Variants in NIM1K observed in about 807,000 individuals in gnomAD.
NIM1K encodes the protein serine/threonine-protein kinase NIM1.
In NIM1K, 35 loss-of-function variants were observed where a neutral mutation model predicts 37.1. That is an observed-to-expected ratio of 0.94 (90% confidence interval 0.72 to 1.25). The LOEUF (loss-of-function observed/expected upper bound fraction) is 1.25. NIM1K is among the 50% of genes most tolerant of loss of function. The pLI is 0.00. For missense variants in NIM1K, 564 were observed against 548.0 expected, an observed-to-expected ratio of 1.03 and a Z score of -0.29; for synonymous variants, 234 against 206.6, an observed-to-expected ratio of 1.13 and a Z score of -1.14.
At chr5:43,210,816 C>G (rs1294307653) in intron 1 of NIM1K, among the ~76,000 whole-genome samples, 1 of 152,150 alleles carries the variant, frequency 6.6e-6, no homozygotes, top group African/African-American at 2.4e-5. Flanking sequence ...AGAATTAAGA[C>G]CCAACCCCCC....
chr5:43,275,040 C>A (rs1228322188), intron 2 of NIM1K, among the ~76,000 whole-genome samples: 2 of 152,106 alleles, frequency 1.3e-5, no homozygotes, highest in East Asian at 1.9e-4. Flanking sequence ...TAACATTAAT[C>A]ATTTTCGTTA....
chr5:43,251,609 G>T (rs115969448), intron 2 of NIM1K, among the ~76,000 whole-genome samples: 80 of 152,194 alleles, frequency 5.3e-4, no homozygotes, highest in Admixed American at 2.2e-3. Flanking sequence ...AGTAGGGCCG[G>T]GTCTTAAGAT....
At chr5:43,252,270 T>C (rs1752876669) in intron 2 of NIM1K, among the ~76,000 whole-genome samples, 1 of 152,236 alleles carries the variant, frequency 6.6e-6, no homozygotes, top group Non-Finnish European at 1.5e-5. Context: ...TGTGTGGGTG[T>C]GGGTGGGTGC....
rs534058778 is a variant in NIM1K, at chr5:43,277,523, C to T, written c.561+198C>T. The stretch of plus-strand genomic sequence containing the variant: ...CAACATCCAGGGATGTCCAGTTACA[C>T]GTCAACCTCCTAGCTTCTGCAGACA... On this transcript the variant is annotated intron_variant, in intron 3 of 3. Coordinates refer to ENST00000326035, the MANE Select transcript of NIM1K (RefSeq NM_153361.4). 6.8e-4 allele frequency among the ~76,000 whole-genome samples: 104 copies of T among 152,232 alleles called. 1 individual carries two copies. Among genetic ancestry groups the T allele is most frequent in the African/African-American group, 2.3e-3 (95 of 41,532 alleles).
intron 1 of NIM1K, among the ~76,000 whole-genome samples, chr5:43,198,390 C>A (rs1460053588): frequency 6.7e-6 from 1 of 150,340 alleles, no homozygotes; most frequent in South Asian, 2.1e-4. Context: ...CTCCCTCCCT[C>A]CCTCTCGAGC....
At chr5:43,201,408 CAA>C (rs59067037) in intron 1 of NIM1K, among the ~76,000 whole-genome samples, 200 of 143,788 alleles carry the variant, frequency 1.4e-3, no homozygotes, top group Non-Finnish European at 1.3e-3. Context: ...GACTCCGTCT[CAA>C]AAAAAAAAAA....
intron 1 of NIM1K, chr5:43,232,837 T>C (rs576489846): frequency 1.9e-6 from 2 of 1,032,514 alleles, no homozygotes; most frequent in East Asian, 4.7e-5. Context: ...AGTGATCTCC[T>C]GGCCAATGGT....
intron 2 of NIM1K, among the ~76,000 whole-genome samples, chr5:43,259,469 C>T (rs906592953): frequency 2.0e-5 from 3 of 152,072 alleles, no homozygotes; most frequent in Non-Finnish European, 4.4e-5. Flanking sequence ...TTAATAATGA[C>T]CATTCTGGCT....
At chr5:43,273,009 G>C (rs1404671277) in intron 2 of NIM1K, among the ~76,000 whole-genome samples, 1 of 152,082 alleles carries the variant, frequency 6.6e-6, no homozygotes, top group African/African-American at 2.4e-5. Context: ...CGCTAGGTGG[G>C]ACCTGTGTCA....
chr5:43,211,098 G>A (rs1260265420), intron 1 of NIM1K, among the ~76,000 whole-genome samples: 1 of 152,152 alleles, frequency 6.6e-6, no homozygotes, highest in African/African-American at 2.4e-5. Flanking sequence ...CTTGAACCCA[G>A]GAGGCAAAGG....
intron 1 of NIM1K, among the ~76,000 whole-genome samples, chr5:43,228,031 C>T (rs575633818): frequency 6.6e-6 from 1 of 152,310 alleles, no homozygotes; most frequent in South Asian, 2.1e-4. Context: ...TATATTATTC[C>T]ATGACCTCAC....
Position 43,280,131 on chromosome 5 carries a change from C to A in NIM1K, c.713C>A (p.Ala238Glu), listed in dbSNP as rs758276722. The A allele has an allele frequency of 3.1e-6, 5 of 1,614,058 alleles. No individual in the cohort carries two copies. The highest frequency in any genetic ancestry group is 3.3e-5 in the Admixed American group (2 of 60,006). Reference sequence around the variant, plus strand: ...TTCTGTGGGTCTCCTCCCTACGCTGCGCCTGAACTCTTCCGGGACGAGCAC... The same window carrying A: ...TTCTGTGGGTCTCCTCCCTACGCTGAGCCTGAACTCTTCCGGGACGAGCAC... The part of the protein sequence containing the change: ...NTFCGSPPYA[A>E]PELFRDEHYI... Residue 238 changes from alanine (A) to glutamate (E), a missense_variant, in exon 4 of 4, where the codon GCG becomes GAG. Ala to Glu is a moderately radical substitution (Grantham distance 107, BLOSUM62 -1). Transcript: ENST00000326035.
chr5:43,275,950 G>A (rs1753333017), intron 2 of NIM1K, among the ~76,000 whole-genome samples: 1 of 149,970 alleles, frequency 6.7e-6, no homozygotes. Flanking sequence ...ACCTAGGCTG[G>A]AGAGCAGTGG....
At chr5:43,200,251 T>G (rs572436021) in intron 1 of NIM1K, among the ~76,000 whole-genome samples, 1 of 152,288 alleles carries the variant, frequency 6.6e-6, no homozygotes, top group South Asian at 2.1e-4. Context: ...TCACCCTTCT[T>G]ATTGAGCACT....
intron 1 of NIM1K, among the ~76,000 whole-genome samples, chr5:43,228,973 G>A (rs930696364): frequency 6.6e-6 from 1 of 152,170 alleles, no homozygotes; most frequent in Non-Finnish European, 1.5e-5. Context: ...GAAAAATATA[G>A]ATGATACTGT....
At chr5:43,197,883 A>T (rs1332574139) in intron 1 of NIM1K, among the ~76,000 whole-genome samples, 1 of 152,248 alleles carries the variant, frequency 6.6e-6, no homozygotes, top group South Asian at 2.1e-4. Flanking sequence ...AGTTATATCT[A>T]CATTGTTCCT....
chr5:43,266,887 A>G (rs1015883510), intron 2 of NIM1K, among the ~76,000 whole-genome samples: 2 of 152,198 alleles, frequency 1.3e-5, no homozygotes, highest in African/African-American at 2.4e-5. Context: ...ATCTATGTTC[A>G]TCAGGAATAT....
chr5:43,277,674 C>T (rs775936279), intron 3 of NIM1K, among the ~76,000 whole-genome samples: 7 of 151,966 alleles, frequency 4.6e-5, no homozygotes, highest in Non-Finnish European at 7.4e-5. Context: ...TGCTTTCCTA[C>T]TTCTGTCTAG....
chr5:43,195,759 G>A lies in NIM1K; in HGVS notation c.-695+3348G>A, dbSNP rs114673343. Among the ~76,000 whole-genome samples, 419 of 151,844 alleles carry A rather than the reference G, an allele frequency of 2.8e-3. 3 individuals carry two copies. Among genetic ancestry groups the A allele is most frequent in the African/African-American group, 9.9e-3 (410 of 41,370 alleles). On this transcript the variant is annotated intron_variant, in intron 1 of 3. Transcript: ENST00000326035. ...ATGAGCATTATGAATATGAGCATTA[G>A]CCAAGACTTAAGAGAAATTCAGGGC...
Sources: gnomAD v4.1 joint callset for allele counts (sites outside exome capture counted in the v4.1 genomes callset) on GRCh38, gnomAD v4.1.1 for gene constraint, MANE v1.5 for transcripts, NCBI Gene and HGNC (gene_info 2026-07-23, HGNC 2026-07-21) for gene names.